HEATR5B: variants seen among roughly 807,000 people sequenced by gnomAD.
HEATR5B encodes the protein HEAT repeat-containing protein 5B.
A neutral mutation model predicts 224.1 loss-of-function variants in HEATR5B; 156 were observed. The ratio of observed to expected loss-of-function variants is 0.70; its 90% CI spans 0.61 to 0.80. The LOEUF is 0.80. Ranked by LOEUF, HEATR5B falls within the 30% of genes least tolerant of loss-of-function variation. The probability of loss-of-function intolerance (pLI) is 0.00; values close to 1 mark genes in which losing one functional copy is unlikely to be tolerated. For synonymous variants in HEATR5B, 1,027 were observed against 893.0 expected (o/e 1.15, Z -2.68); for missense variants, 2,323 against 2,535.5 (o/e 0.92, Z 1.80).
intron 33 of HEATR5B, 78 bp downstream of exon 33, chr2:37,000,508 G>T (rs1375209531): frequency 2.6e-6 from 3 of 1,132,608 alleles, no homozygotes; most frequent in South Asian, 2.6e-5. Flanking sequence ...GCAGTTTTCT[G>T]ATAAGCTTAT....
At chr2:37,030,884 G>A (rs1362211687) in intron 22 of HEATR5B, among the ~76,000 whole-genome samples, 2 of 152,162 alleles carry the variant, frequency 1.3e-5, no homozygotes, top group African/African-American at 4.8e-5. Flanking sequence ...CTAGCATCTG[G>A]GAATTGGGTT....
intron 17 of HEATR5B, among the ~76,000 whole-genome samples, chr2:37,051,520 G>T (rs559497995): frequency 6.6e-6 from 1 of 152,086 alleles, no homozygotes; most frequent in South Asian, 2.1e-4. Flanking sequence ...CATTGCATGG[G>T]GAAAATGTTA....
intron 26 of HEATR5B, among the ~76,000 whole-genome samples, chr2:37,018,860 A>T (rs905375298): frequency 3.9e-5 from 6 of 152,202 alleles, no homozygotes; most frequent in African/African-American, 1.4e-4. Context: ...TAAAGGAATA[A>T]GAAAATATGC....
At chr2:37,018,497 C>T (rs576667124) in intron 26 of HEATR5B, among the ~76,000 whole-genome samples, 42 of 152,260 alleles carry the variant, frequency 2.8e-4, no homozygotes, top group Non-Finnish European at 5.1e-4. Context: ...GTCTCCTGTC[C>T]GTGGAAAGAG....
chr2:37,059,406 ATGTGTGTGTGTGTGTGTGTGTG>A (rs529487124), intron 12 of HEATR5B, among the ~76,000 whole-genome samples: 1 of 100,224 alleles, frequency 1.0e-5, no homozygotes, highest in Non-Finnish European at 1.8e-5. Context: ...ATATATGTAT[ATGTGTGTGTGTGTGTGTGTGTG>A]TGTGTGTGTG....
intron 22 of HEATR5B, among the ~76,000 whole-genome samples, chr2:37,031,421 TTTTCTTTTC>T (rs1390245256): frequency 1.4e-5 from 2 of 145,740 alleles, no homozygotes; most frequent in African/African-American, 2.5e-5. Flanking sequence ...GTTTTTCTGT[TTTTCTTTTC>T]TTTCTTTTTT....
intron 35 of HEATR5B, among the ~76,000 whole-genome samples, chr2:36,986,383 C>A (rs1332954379): frequency 6.6e-6 from 1 of 152,166 alleles, no homozygotes; most frequent in Admixed American, 6.5e-5. Flanking sequence ...ACCAGTTAAT[C>A]ATCAAATCAG....
chr2:37,078,250 C>A (rs1358906558), intron 3 of HEATR5B, among the ~76,000 whole-genome samples: 1 of 152,184 alleles, frequency 6.6e-6, no homozygotes, highest in Non-Finnish European at 1.5e-5. Context: ...CAATCAAACA[C>A]ATAATAAACA....
chr2:37,016,113 C>CTTTTT (rs370375953), intron 26 of HEATR5B, among the ~76,000 whole-genome samples: 2 of 132,028 alleles, frequency 1.5e-5, no homozygotes, highest in African/African-American at 2.9e-5. Context: ...TCCTTACTTT[C>CTTTTT]TTTTTTTTTT....
At chr2:37,055,170 C>CT in intron 16 of HEATR5B, 1 of 331,054 alleles carries the variant, frequency 3.0e-6, no homozygotes, top group African/African-American at 2.2e-5. Flanking sequence ...TGCTTTTTAC[C>CT]TTTTTAATTT....
intron 29 of HEATR5B, among the ~76,000 whole-genome samples, chr2:37,006,713 C>T (rs749777094): frequency 2.0e-5 from 3 of 152,142 alleles, no homozygotes; most frequent in Non-Finnish European, 4.4e-5. Flanking sequence ...TCACTGAAAT[C>T]TTCTTAAACA....
rs1572930757 is a variant in HEATR5B, at chr2:37,068,673, A to C, written c.1177+8T>G. 1 of 1,613,674 alleles carries C rather than the reference A, an allele frequency of 6.2e-7. No individual in the cohort carries two copies. The highest frequency in any genetic ancestry group is 1.7e-5 in the Admixed American group (1 of 59,986). ...GTAATCAACACACATAATGATACTG[A>C]TTCTTACCTACGGCTTTCATTTGTT... On this transcript the variant is annotated splice_region_variant and intron_variant, in intron 8 of 35. Coordinates refer to ENST00000233099, the MANE Select transcript of HEATR5B (RefSeq NM_019024.3).
Position 37,056,591 on chromosome 2 carries a change from T to C in HEATR5B, c.2248A>G (p.Ser750Gly). ...GAAGGATCATGCTCCAGAGCCCCAC[T>C]TCCAGAGGCACTGTTTGGCTGGAGC... ...DQLQPNSASG[S>G]GALEHDPSSI... is the part of the protein sequence containing the mutation. The change falls in exon 16 of 36, where the codon AGT becomes GGT. Residue 750 changes from serine (S) to glycine (G), a missense_variant. By Grantham distance (56) the Ser-to-Gly change is moderately conservative (BLOSUM62 0). Transcript: ENST00000233099. The C allele has an allele frequency of 1.9e-6, 3 of 1,602,874 alleles. No homozygotes were observed. The highest frequency in any genetic ancestry group is 2.6e-6 in the Non-Finnish European group (3 of 1,175,520).
intron 5 of HEATR5B, among the ~76,000 whole-genome samples, chr2:37,073,778 G>A (rs1420893144): frequency 1.3e-5 from 2 of 152,124 alleles, no homozygotes; most frequent in Non-Finnish European, 2.9e-5. Context: ...TATTTTTGCA[G>A]ACATTGACAA....
chr2:37,071,679 CTTTT>C (rs869279842), intron 6 of HEATR5B, among the ~76,000 whole-genome samples: 1 of 138,718 alleles, frequency 7.2e-6, no homozygotes, highest in African/African-American at 2.6e-5. Context: ...CATTTGGGTT[CTTTT>C]TTTTTTTTTT....
chr2:37,049,227 A>G (rs1397864684), intron 18 of HEATR5B, among the ~76,000 whole-genome samples: 1 of 152,222 alleles, frequency 6.6e-6, no homozygotes, highest in Non-Finnish European at 1.5e-5. Flanking sequence ...TGTTTCAGTC[A>G]TAATTTAAGA....
chr2:37,036,683 TG>T lies in HEATR5B; in HGVS notation c.3216+1171del, dbSNP rs528986771. Among the ~76,000 whole-genome samples the T allele has an allele frequency of 1.6e-4, 25 of 152,228 alleles. No homozygotes were observed. In the East Asian group the frequency reaches 4.5e-3, roughly 27 times the overall value. The stretch of plus-strand genomic sequence containing the variant: ...CCCGCCACCACCCCTGACTAATTTT[TG>T]TATTTTTAGTAGAGATGAGGTTTGA... On this transcript the variant is annotated intron_variant, in intron 21 of 35. Coordinates refer to ENST00000233099, the MANE Select transcript of HEATR5B (RefSeq NM_019024.3).
intron 28 of HEATR5B, among the ~76,000 whole-genome samples, chr2:37,007,782 A>G (rs1572788008): frequency 6.6e-6 from 1 of 152,208 alleles, no homozygotes; most frequent in Admixed American, 6.5e-5. Context: ...GAACTGGAAT[A>G]CCTGTCTCTT....
At chr2:37,001,316 T>C (rs1667072878) in intron 32 of HEATR5B, among the ~76,000 whole-genome samples, 1 of 152,192 alleles carries the variant, frequency 6.6e-6, no homozygotes, top group Non-Finnish European at 1.5e-5. Context: ...CTGAAAATTC[T>C]AGGTCATGAA....
Sources: allele counts gnomAD v4.1 joint callset (sites outside exome capture counted in the v4.1 genomes callset), GRCh38; gene constraint gnomAD v4.1.1; transcripts MANE v1.5; gene names NCBI Gene and HGNC (gene_info 2026-07-23, HGNC 2026-07-21).